The following UNC80 variants were observed in gnomAD, a reference collection of about 807,000 sequenced individuals.
UNC80 encodes the protein unc-80 subunit of NALCN channel complex.
UNC80 carries 164 observed loss-of-function variants against 384.6 expected under a neutral mutation model. The ratio of observed to expected loss-of-function variants is 0.43; its 90% CI spans 0.38 to 0.49. The LOEUF (loss-of-function observed/expected upper bound fraction) is 0.49. Ranked by LOEUF, UNC80 falls within the 20% of genes least tolerant of loss-of-function variation. The probability of loss-of-function intolerance (pLI) is 0.00; values close to 1 mark genes in which losing one functional copy is unlikely to be tolerated. For synonymous variants in UNC80, 1,486 were observed against 1,527.8 expected (o/e 0.97, Z 0.64); for missense variants, 3,330 against 4,143.0 (o/e 0.80, Z 5.39).
chr2:209,969,298 T>C (rs373917138), intron 52 of UNC80: 6 of 154,458 alleles, frequency 3.9e-5, no homozygotes, highest in African/African-American at 1.4e-4. Flanking sequence ...TTAAATAAAC[T>C]ATTTTCTTCT....
intron 6 of UNC80, among the ~76,000 whole-genome samples, chr2:209,792,944 G>T (rs1440795370): frequency 1.3e-5 from 2 of 152,054 alleles, no homozygotes; most frequent in African/African-American, 4.8e-5. Flanking sequence ...GAATTTTATG[G>T]TCAACTTCAG....
At chr2:209,992,365 C>T (rs563458754) in intron 62 of UNC80, 118 bp downstream of exon 62, 15 of 920,380 alleles carry the variant, frequency 1.6e-5, no homozygotes, top group Middle Eastern at 3.3e-4. Flanking sequence ...ATCCCAGCTA[C>T]TGGGGAGGCT....
At chr2:209,878,939 A>G (rs913993745) in intron 24 of UNC80, among the ~76,000 whole-genome samples, 3 of 152,212 alleles carry the variant, frequency 2.0e-5, no homozygotes, top group African/African-American at 7.2e-5. Context: ...TGTTGCAGTC[A>G]TGAAATGTAA....
intron 22 of UNC80, among the ~76,000 whole-genome samples, chr2:209,858,977 C>T (rs866149355): frequency 2.0e-5 from 3 of 152,110 alleles, no homozygotes; most frequent in Middle Eastern, 3.4e-3. Flanking sequence ...TTTTCCTTTA[C>T]TGGTTTGTAG....
In UNC80 at chr2:209,847,519, TATA is replaced by T. The variant is rs536290534; in HGVS notation, c.3455-1931_3455-1929del. 6.8e-4 allele frequency among the ~76,000 whole-genome samples: 103 copies of T among 152,100 alleles called. No homozygotes were observed. The East Asian group carries it at 8.5e-3, about 13-fold the overall frequency. On this transcript the variant is annotated intron_variant, in intron 21 of 64. Coordinates refer to ENST00000673920, the MANE Select transcript of UNC80 (RefSeq NM_001371986.1). ...TGCTGATCTTCTGACCTGTAATAAA[TATA>T]TATTATTCTGTGAAGCAAAGAATAT...
At chr2:209,951,463 A>T (rs879270447) in intron 47 of UNC80, 4 of 151,864 alleles carry the variant, frequency 2.6e-5, no homozygotes, top group Admixed American at 6.6e-5. Context: ...ACACCCAGCT[A>T]ATTTTTTATA....
intron 25 of UNC80, among the ~76,000 whole-genome samples, chr2:209,887,228 G>T (rs1262423556): frequency 6.6e-6 from 1 of 151,862 alleles, no homozygotes; most frequent in African/African-American, 2.4e-5. Context: ...TATAGACGGG[G>T]TTTTTTCTCG....
chr2:209,896,476 G>A, intron 28 of UNC80, 63 bp downstream of exon 28: 1 of 1,318,196 alleles, frequency 7.6e-7, no homozygotes, highest in Non-Finnish European at 1.1e-6. Flanking sequence ...GAAGATCCAA[G>A]GAGGGAGGAC....
intron 25 of UNC80, among the ~76,000 whole-genome samples, chr2:209,885,523 C>T (rs1360137493): frequency 6.6e-6 from 1 of 151,998 alleles, no homozygotes; most frequent in East Asian, 1.9e-4. Flanking sequence ...AAGAAATTTC[C>T]CTCATTAGAT....
At chr2:209,794,759 CTCT>C (rs942068474) in intron 7 of UNC80, 14 of 453,246 alleles carry the variant, frequency 3.1e-5, no homozygotes, top group African/African-American at 2.6e-4. Flanking sequence ...CCACTTTTGT[CTCT>C]TCTTCATTTT....
chr2:209,785,749 T>C (rs1168008524), intron 4 of UNC80, among the ~76,000 whole-genome samples: 1 of 152,194 alleles, frequency 6.6e-6, no homozygotes, highest in Admixed American at 6.5e-5. Context: ...CTGCCAAGGC[T>C]CCTGAAATAA....
chr2:209,888,151 G>A lies in UNC80; in HGVS notation c.4167G>A (p.Glu1389=), dbSNP rs1415531403. The A allele has an allele frequency of 4.5e-6, 7 of 1,551,698 alleles. No individual in the cohort carries two copies. In the East Asian group the frequency reaches 1.7e-4, roughly 38 times the overall value. ...LDPELDRHRY[E]RKISFAGVLD... is the part of the protein sequence containing the mutation. Reference sequence around the variant, plus strand: ...CCGAGTTGGACCGGCACAGATATGAGAGGAAGATCAGCTTTGCTGGGGTCC... The same window carrying A: ...CCGAGTTGGACCGGCACAGATATGAAAGGAAGATCAGCTTTGCTGGGGTCC... Residue 1389 remains glutamate (E), a synonymous_variant, in exon 26 of 65, where the codon GAG becomes GAA. Transcript: ENST00000673920.
intron 21 of UNC80, among the ~76,000 whole-genome samples, chr2:209,848,592 A>G (rs1197560805): frequency 2.0e-5 from 3 of 152,202 alleles, no homozygotes; most frequent in Non-Finnish European, 4.4e-5. Flanking sequence ...GTATTGTACA[A>G]CAAATCACAG....
intron 21 of UNC80, among the ~76,000 whole-genome samples, 157 bp downstream of exon 21, chr2:209,842,603 A>G (rs1042353224): frequency 6.6e-6 from 1 of 152,098 alleles, no homozygotes; most frequent in Admixed American, 6.5e-5. Flanking sequence ...TGTTTTTGCA[A>G]TTTGATTCAA....
chr2:209,823,790 G>A (rs572289194), intron 13 of UNC80, among the ~76,000 whole-genome samples: 1 of 151,642 alleles, frequency 6.6e-6, no homozygotes, highest in Non-Finnish European at 1.5e-5. Context: ...ATTTTGTAAG[G>A]CACAGGTAGG....
At chr2:209,906,233 G>C (rs991439215) in intron 29 of UNC80, among the ~76,000 whole-genome samples, 7 of 152,070 alleles carry the variant, frequency 4.6e-5, no homozygotes, top group African/African-American at 1.7e-4. Context: ...ATACCTTAGT[G>C]CTCACAAAGG....
At chr2:209,791,815 G>A (rs1246698444) in intron 6 of UNC80, among the ~76,000 whole-genome samples, 12 of 54,374 alleles carry the variant, frequency 2.2e-4, no homozygotes, top group Admixed American at 1.5e-3. Context: ...GTGAGACTCC[G>A]TCTCAAAAAA....
intron 51 of UNC80, among the ~76,000 whole-genome samples, chr2:209,962,555 G>C (rs539499311): frequency 6.6e-6 from 1 of 152,316 alleles, no homozygotes; most frequent in South Asian, 2.1e-4. Context: ...AGTTCAGCAA[G>C]AGCAATTGAT....
chr2:209,927,570 T>C (rs140390561), intron 36 of UNC80, among the ~76,000 whole-genome samples: 233 of 152,294 alleles, frequency 1.5e-3, no homozygotes, highest in African/African-American at 5.0e-3. Context: ...ACATCGTTGT[T>C]TAAAACTGTA....
Sources: allele counts gnomAD v4.1 joint callset (sites outside exome capture counted in the v4.1 genomes callset), GRCh38; gene constraint gnomAD v4.1.1; transcripts MANE v1.5; gene names NCBI Gene and HGNC (gene_info 2026-07-23, HGNC 2026-07-21).